ADGRL3: variants seen among roughly 807,000 people sequenced by gnomAD.
ADGRL3 encodes the protein adhesion G protein-coupled receptor L3, also known as calcium-independent alpha-latrotoxin receptor 3.
Under a neutral mutation model 153.5 loss-of-function variants are expected in ADGRL3, and 62 were observed. That is an observed-to-expected ratio of 0.40 (90% confidence interval 0.33 to 0.50). The LOEUF (loss-of-function observed/expected upper bound fraction) is 0.50. Among genes scored for constraint, ADGRL3 ranks in the 20% least tolerant of loss-of-function variants. ADGRL3 has a pLI of 0.47. For missense variants in ADGRL3, 1,641 were observed against 1,859.4 expected, an observed-to-expected ratio of 0.88 and a Z score of 2.16; for synonymous variants, 710 against 672.5, an observed-to-expected ratio of 1.06 and a Z score of -0.86.
At chr4:61,903,650 CAAAAAAAAAAAAAAA>C (rs55879235) in intron 11 of ADGRL3, among the ~76,000 whole-genome samples, 36 of 72,360 alleles carry the variant, frequency 5.0e-4, no homozygotes, top group South Asian at 1.4e-3. Flanking sequence ...TGGGAAACAG[CAAAAAAAAAAAAAAA>C]AAAAAAAAAA....
chr4:62,049,399 T>A (rs1023093196), intron 25 of ADGRL3, among the ~76,000 whole-genome samples: 15 of 152,202 alleles, frequency 9.9e-5, no homozygotes, highest in African/African-American at 3.6e-4. Flanking sequence ...TTTAGATTTT[T>A]ATGCATAGAG....
At chr4:61,845,531 C>CTT (rs77188989) in intron 9 of ADGRL3, among the ~76,000 whole-genome samples, 5 of 139,338 alleles carry the variant, frequency 3.6e-5, no homozygotes, top group Admixed American at 7.3e-5. Context: ...TAATTTTTTT[C>CTT]TTTTTTTTTT....
intron 25 of ADGRL3, among the ~76,000 whole-genome samples, chr4:62,054,728 A>G (rs1178733653): frequency 1.3e-5 from 2 of 151,646 alleles, no homozygotes; most frequent in Non-Finnish European, 1.5e-5. Flanking sequence ...TATATAAAAA[A>G]CAAAATGCTA....
At chr4:61,569,434 C>T (rs973476702) in intron 4 of ADGRL3, among the ~76,000 whole-genome samples, 6 of 152,236 alleles carry the variant, frequency 3.9e-5, no homozygotes, top group East Asian at 1.9e-4. Flanking sequence ...TCACAGTTTT[C>T]CTTCAAACTC....
At chr4:61,777,324 G>C (rs1171560304) in intron 8 of ADGRL3, among the ~76,000 whole-genome samples, 1 of 151,274 alleles carries the variant, frequency 6.6e-6, no homozygotes, top group African/African-American at 2.4e-5. Context: ...TAGAGCCCAA[G>C]ACTCCATCTC....
intron 5 of ADGRL3, among the ~76,000 whole-genome samples, chr4:61,673,628 G>A (rs949889072): frequency 1.3e-5 from 2 of 151,116 alleles, no homozygotes; most frequent in African/African-American, 4.8e-5. Context: ...TTAACTCACA[G>A]TAACTGAAGT....
intron 9 of ADGRL3, among the ~76,000 whole-genome samples, chr4:61,815,985 T>G (rs567147198): frequency 6.6e-6 from 1 of 152,226 alleles, no homozygotes; most frequent in South Asian, 2.1e-4. Flanking sequence ...ACAAACGGAC[T>G]GAGATGGATG....
At chr4:61,969,806 C>T (rs1358484625) in intron 17 of ADGRL3, among the ~76,000 whole-genome samples, 1 of 152,118 alleles carries the variant, frequency 6.6e-6, no homozygotes, top group Non-Finnish European at 1.5e-5. Context: ...AGAAAACTTG[C>T]AGGAGCCATT....
intron 1 of ADGRL3, among the ~76,000 whole-genome samples, chr4:61,339,845 G>T (rs1377396773): frequency 2.0e-5 from 3 of 152,102 alleles, no homozygotes; most frequent in Non-Finnish European, 4.4e-5. Flanking sequence ...CTGTCTTTGG[G>T]TTTGTGAAGC....
At chr4:61,954,989 G>T (rs896986455) in intron 17 of ADGRL3, among the ~76,000 whole-genome samples, 2 of 152,174 alleles carry the variant, frequency 1.3e-5, no homozygotes, top group African/African-American at 4.8e-5. Context: ...AGGCAGACAA[G>T]AAAAGTAAAT....
At chr4:61,476,537 C>T (rs1034492544) in intron 2 of ADGRL3, among the ~76,000 whole-genome samples, 1 of 151,756 alleles carries the variant, frequency 6.6e-6, no homozygotes, top group Non-Finnish European at 1.5e-5. Flanking sequence ...GAAACCCTGG[C>T]TCTACTAAAA....
intron 6 of ADGRL3, among the ~76,000 whole-genome samples, chr4:61,701,490 A>G (rs967154685): frequency 1.5e-5 from 2 of 132,534 alleles, no homozygotes; most frequent in African/African-American, 5.9e-5. Context: ...GCTGGAGTGC[A>G]ATGATGCAAT....
intron 2 of ADGRL3, among the ~76,000 whole-genome samples, chr4:61,494,331 A>G (rs1238919772): frequency 1.3e-5 from 2 of 152,116 alleles, no homozygotes; most frequent in Non-Finnish European, 2.9e-5. Flanking sequence ...TCCTGATACC[A>G]ACTTTTGACT....
chr4:62,063,621 T>C, intron 25 of ADGRL3: 2 of 697,684 alleles, frequency 2.9e-6, no homozygotes, highest in Admixed American at 2.0e-5. Context: ...TGTCAGCATG[T>C]ACAACGCACA....
intron 5 of ADGRL3, among the ~76,000 whole-genome samples, chr4:61,609,164 T>G (rs977694221): frequency 6.6e-6 from 1 of 152,088 alleles, no homozygotes; most frequent in Non-Finnish European, 1.5e-5. Context: ...TTTATATTGG[T>G]TAGTCTGTTC....
intron 8 of ADGRL3, among the ~76,000 whole-genome samples, chr4:61,760,290 C>T (rs1355435830): frequency 6.6e-6 from 1 of 152,170 alleles, no homozygotes; most frequent in Non-Finnish European, 1.5e-5. Context: ...CCTTCTTGAG[C>T]TGCAGTGGGC....
intron 25 of ADGRL3, among the ~76,000 whole-genome samples, chr4:62,058,626 C>T (rs1026815580): frequency 6.6e-6 from 1 of 152,116 alleles, no homozygotes. Flanking sequence ...CTATCTCGTC[C>T]TCCCTGAGCC....
chr4:61,557,296 T>TC (rs1560836458), intron 4 of ADGRL3, among the ~76,000 whole-genome samples: 1 of 152,120 alleles, frequency 6.6e-6, no homozygotes. Context: ...GAATACTTCA[T>TC]CCTTAAATAG....
At chr4:61,799,670 A>C (rs1451471568) in intron 8 of ADGRL3, among the ~76,000 whole-genome samples, 1 of 152,072 alleles carries the variant, frequency 6.6e-6, no homozygotes, top group Non-Finnish European at 1.5e-5. Context: ...TCAGGCAACA[A>C]TATGCTCTTT....
Sources: gnomAD v4.1 joint callset for allele counts (sites outside exome capture counted in the v4.1 genomes callset) on GRCh38, gnomAD v4.1.1 for gene constraint, MANE v1.5 for transcripts, NCBI Gene and HGNC (gene_info 2026-07-23, HGNC 2026-07-21) for gene names.